Variants in ASL observed in about 807,000 individuals in gnomAD.
ASL encodes argininosuccinate lyase, also known as argininosuccinase.
Under a neutral mutation model 69.1 loss-of-function variants are expected in ASL, and 51 were observed. That is an observed-to-expected ratio of 0.74 (90% confidence interval 0.59 to 0.93). ASL has a LOEUF of 0.93. ASL is among the 40% of genes least tolerant of loss of function. The pLI is 0.00. For synonymous variants in ASL, 241 were observed against 247.6 expected (o/e 0.97, Z 0.25); for missense variants, 540 against 623.9 (o/e 0.87, Z 1.43).
chr7:66,081,414 T>C (rs1329642397), intron 2 of ASL, among the ~76,000 whole-genome samples: 1 of 152,016 alleles, frequency 6.6e-6, no homozygotes, highest in African/African-American at 2.4e-5. Flanking sequence ...ACCCCATCTC[T>C]ACTAATGATA....
intron 3 of ASL, 138 bp from the exon 4 acceptor site, chr7:66,082,230 C>T: frequency 2.8e-6 from 3 of 1,088,704 alleles, no homozygotes; most frequent in Non-Finnish European, 4.1e-6. Context: ...GAGATGCCCC[C>T]TCCCAGGGTG....
At chr7:66,089,203 C>G in intron 12 of ASL, 28 bp downstream of exon 12, 1 of 1,613,116 alleles carries the variant, frequency 6.2e-7, no homozygotes, top group East Asian at 2.2e-5. Context: ...AGGGGCGGGG[C>G]CTCTGGGCTG....
At chr7:66,087,515 C>A in intron 9 of ASL, 129 bp downstream of exon 9, 1 of 1,193,020 alleles carries the variant, frequency 8.4e-7, no homozygotes, top group Non-Finnish European at 1.2e-6. Flanking sequence ...TGCCTATGGG[C>A]ACTGAGGTCA....
intron 8 of ASL, 134 bp downstream of exon 8, chr7:66,086,955 C>G (rs1786683246): frequency 9.4e-7 from 1 of 1,064,188 alleles, no homozygotes; most frequent in African/African-American, 1.6e-5. Context: ...CTGCATGGAG[C>G]CCCAGCTCTC....
chr7:66,092,750 C>A lies in ASL; in HGVS notation c.1251-18C>A, dbSNP rs374293047. ...AGGGTGGCCTGGCGCCCTGGCCCAC[C>A]TCTTCCTCTCTCCCCAGCCCCCTGT... On this transcript the variant is annotated intron_variant, in intron 16 of 16. Transcript: ENST00000304874. 57 of 1,613,574 alleles carry A rather than the reference C, an allele frequency of 3.5e-5. No homozygotes were observed. The highest frequency in any genetic ancestry group is 4.5e-5 in the Non-Finnish European group (53 of 1,179,950).
At position 66,076,089 on chromosome 7, in the gene ASL, C is replaced by A. The variant is rs779988786; in HGVS notation, c.8C>A (p.Ser3Ter). 1 of 1,599,598 alleles carries A rather than the reference C, an allele frequency of 6.3e-7. No homozygotes were observed. Among genetic ancestry groups the A allele is most frequent in the Non-Finnish European group, 8.5e-7 (1 of 1,173,798 alleles). The change falls in exon 2 of 17, where the codon TCG becomes TAG. Residue 3 changes from serine to a stop codon, truncating the protein, a stop_gained. Coordinates refer to ENST00000304874, the MANE Select transcript of ASL (RefSeq NM_000048.4). LOFTEE classifies it high-confidence loss of function. ...GACGAGGAACCGCCCAACATGGCCT[C>A]GGAGGTGAGTGGGACCTCGGGGACT... MA[S>*]ESGKLWGGRF...
intron 2 of ASL, among the ~76,000 whole-genome samples, chr7:66,076,735 T>C (rs1294713611): frequency 6.6e-6 from 1 of 152,092 alleles, no homozygotes; most frequent in Non-Finnish European, 1.5e-5. Flanking sequence ...TTGATTTATC[T>C]GGCAATGGGG....
In ASL at chr7:66,092,144, G is replaced by T. The variant is rs1281169817; in HGVS notation, c.1143+58G>T. 15 of 1,589,140 alleles carry T rather than the reference G, an allele frequency of 9.4e-6. No homozygotes were observed. The Admixed American group carries it at 2.5e-4, about 27-fold the overall frequency. ...AGATGGGGTGCCCCCCCCAGAGGGT[G>T]GGGGAGCTCAGGAATGGGTGCAAGC... On this transcript the variant is annotated intron_variant, in intron 15 of 16. Transcript: ENST00000304874.
At chr7:66,092,703 T>A in intron 16 of ASL, 40 bp downstream of exon 16, 1 of 1,613,544 alleles carries the variant, frequency 6.2e-7, no homozygotes, top group Non-Finnish European at 8.5e-7. Context: ...TCCTAGGAAG[T>A]GAGCCTGGGT....
At chr7:66,084,569 T>C (rs2115710576) in intron 6 of ASL, among the ~76,000 whole-genome samples, 1 of 152,214 alleles carries the variant, frequency 6.6e-6, no homozygotes, top group African/African-American at 2.4e-5. Flanking sequence ...AGTCTCAAAC[T>C]CCTGGACTCA....
At chr7:66,080,621 G>A (rs1041197311) in intron 2 of ASL, among the ~76,000 whole-genome samples, 1 of 151,974 alleles carries the variant, frequency 6.6e-6, no homozygotes, top group Non-Finnish European at 1.5e-5. Flanking sequence ...TACTCGGGAG[G>A]CTGAGGCAGG....
At chr7:66,085,860 G>A (rs1035618778) in intron 6 of ASL, among the ~76,000 whole-genome samples, 17 of 151,834 alleles carry the variant, frequency 1.1e-4, no homozygotes, top group Admixed American at 3.9e-4. Flanking sequence ...TGCCCGCCTC[G>A]GCCTCCCAAA....
Position 66,093,121 on chromosome 7 carries a change from C to A in ASL, c.*209C>A. 2.7e-6 allele frequency: 2 copies of A among 730,060 alleles called. No homozygotes were observed. The highest frequency in any genetic ancestry group is 4.5e-6 in the Non-Finnish European group (2 of 442,826). The allele number at this position is 730,060 out of a possible 1,614,324, so 45.2% of individuals were successfully genotyped here. On this transcript the variant is annotated 3_prime_UTR_variant, in exon 17 of 17. Transcript: ENST00000304874. The stretch of plus-strand genomic sequence containing the variant: ...GCTTGAGGCCAGGAGTTTGACACAG[C>A]CTGGGCAACACAGGGAGACCCCCAT...
At chr7:66,086,951 G>T in intron 8 of ASL, 130 bp downstream of exon 8, 1 of 1,097,604 alleles carries the variant, frequency 9.1e-7, no homozygotes, top group Non-Finnish European at 1.3e-6. Context: ...GACTCTGCAT[G>T]GAGCCCCAGC....
At chr7:66,087,928 G>A (rs1786719033) in intron 10 of ASL, 137 bp downstream of exon 10, 1 of 1,117,568 alleles carries the variant, frequency 8.9e-7, no homozygotes, top group East Asian at 2.6e-5. Flanking sequence ...AACCTTAAAT[G>A]GGTAAAGTGG....
At chr7:66,076,307 T>C (rs1342500817) in intron 2 of ASL, among the ~76,000 whole-genome samples, 3 of 152,168 alleles carry the variant, frequency 2.0e-5, no homozygotes, top group Non-Finnish European at 2.9e-5. Flanking sequence ...AGGCAGCCCT[T>C]GTGGCAAACC....
intron 10 of ASL, among the ~76,000 whole-genome samples, chr7:66,088,157 C>T (rs1380058832): frequency 6.6e-6 from 1 of 151,988 alleles, no homozygotes; most frequent in Non-Finnish European, 1.5e-5. Context: ...AAGAGCGAAA[C>T]TCCATCTCAA....
intron 2 of ASL, 75 bp downstream of exon 2, chr7:66,076,168 C>A: frequency 6.5e-7 from 1 of 1,542,132 alleles, no homozygotes; most frequent in Non-Finnish European, 8.8e-7. Flanking sequence ...CTGCCTCGGG[C>A]CACCCTGCTG....
chr7:66,085,549 C>A (rs1786636439), intron 6 of ASL, among the ~76,000 whole-genome samples: 1 of 151,846 alleles, frequency 6.6e-6, no homozygotes, highest in African/African-American at 2.4e-5. Context: ...GAGGCCAAGG[C>A]AGGAGGACTG....
Sources: gnomAD v4.1 joint callset for allele counts (sites outside exome capture counted in the v4.1 genomes callset) on GRCh38, gnomAD v4.1.1 for gene constraint, MANE v1.5 for transcripts, NCBI Gene and HGNC (gene_info 2026-07-23, HGNC 2026-07-21) for gene names.